Variants in RIT2 observed in about 807,000 individuals in gnomAD.
The protein encoded by RIT2 is Ras like without CAAX 2.
Under a neutral mutation model 23.7 loss-of-function variants are expected in RIT2, and 24 were observed. The ratio of observed to expected loss-of-function variants is 1.01; its 90% CI spans 0.73 to 1.43. The LOEUF (loss-of-function observed/expected upper bound fraction) is 1.43, where lower values mean the gene tolerates loss of function less well. RIT2 is among the 40% of genes most tolerant of loss of function. RIT2 has a pLI of 0.00. For synonymous variants in RIT2, 107 were observed against 91.1 expected, an observed-to-expected ratio of 1.17 and a Z score of -0.99; for missense variants, 236 against 266.9, an observed-to-expected ratio of 0.88 and a Z score of 0.81.
At chr18:42,923,862 T>A in intron 3 of RIT2, 99 bp from the exon 4 acceptor site, 1 of 919,768 alleles carries the variant, frequency 1.1e-6, no homozygotes, top group Non-Finnish European at 1.6e-6. Context: ...TGTTTTAAAC[T>A]ATTAAGAATA....
intron 4 of RIT2, among the ~76,000 whole-genome samples, chr18:42,759,769 A>G (rs185535507): frequency 2.0e-5 from 3 of 149,954 alleles, no homozygotes; most frequent in Non-Finnish European, 3.0e-5. Context: ...GGATATATAT[A>G]TATATATATA....
chr18:42,850,197 A>G lies in RIT2; in HGVS notation c.426+73375T>C, dbSNP rs550230326. ...ATTTAGGGAAGAAAAATATCTGGCAATGATAATTCTTTGGAATGCTCCGCT... is the reference window on the plus strand; with the variant it reads ...ATTTAGGGAAGAAAAATATCTGGCAGTGATAATTCTTTGGAATGCTCCGCT... On this transcript the variant is annotated intron_variant, in intron 4 of 4. Transcript: ENST00000326695. Among the ~76,000 whole-genome samples, 5 of 151,964 alleles carry G rather than the reference A, an allele frequency of 3.3e-5. No homozygotes were observed. The South Asian group carries it at 1.0e-3, about 32-fold the overall frequency.
At chr18:43,064,128 T>A (rs1202179057) in intron 1 of RIT2, among the ~76,000 whole-genome samples, 1 of 152,174 alleles carries the variant, frequency 6.6e-6, no homozygotes, top group African/African-American at 2.4e-5. Context: ...GATGCCCTCA[T>A]AAGGAGATCA....
chr18:42,996,039 G>A (rs1222350886), intron 2 of RIT2, among the ~76,000 whole-genome samples: 3 of 152,124 alleles, frequency 2.0e-5, no homozygotes, highest in African/African-American at 7.2e-5. Context: ...AATCTCCTTA[G>A]GCACTCTCTA....
chr18:43,093,007 A>G (rs1478833474), intron 1 of RIT2, among the ~76,000 whole-genome samples: 1 of 152,062 alleles, frequency 6.6e-6, no homozygotes, highest in East Asian at 1.9e-4. Context: ...CAGGGTTATA[A>G]TTTCTACACA....
intron 2 of RIT2, among the ~76,000 whole-genome samples, chr18:42,983,053 A>G (rs1035013536): frequency 2.0e-5 from 3 of 152,102 alleles, no homozygotes; most frequent in African/African-American, 7.2e-5. Context: ...AAGGAATAGG[A>G]ATTTTGAAAA....
At chr18:42,843,167 T>C in intron 4 of RIT2, among the ~76,000 whole-genome samples, 1 of 152,166 alleles carries the variant, frequency 6.6e-6, no homozygotes, top group Non-Finnish European at 1.5e-5. Context: ...TCACATAGAA[T>C]GTGATGAGTG....
At chr18:43,076,921 G>T (rs1236004504) in intron 1 of RIT2, among the ~76,000 whole-genome samples, 2 of 151,402 alleles carry the variant, frequency 1.3e-5, no homozygotes, top group African/African-American at 4.9e-5. Flanking sequence ...GGCTAAAACG[G>T]TGAAACCCCG....
chr18:43,083,600 T>G (rs998328793), intron 1 of RIT2, among the ~76,000 whole-genome samples: 3 of 151,934 alleles, frequency 2.0e-5, no homozygotes, highest in Non-Finnish European at 4.4e-5. Context: ...TCTGATCTTT[T>G]ACAAACCTGA....
chr18:43,102,220 T>A (rs908605562), intron 1 of RIT2, among the ~76,000 whole-genome samples: 1 of 152,174 alleles, frequency 6.6e-6, no homozygotes, highest in Non-Finnish European at 1.5e-5. Context: ...AGGAAACATA[T>A]GTGGAAACAT....
chr18:43,104,887 C>T (rs1913772047), intron 1 of RIT2, among the ~76,000 whole-genome samples: 2 of 152,214 alleles, frequency 1.3e-5, no homozygotes, highest in African/African-American at 4.8e-5. Flanking sequence ...GACTCTTTCC[C>T]TTTAAATGTT....
chr18:42,978,034 A>T (rs1910512964), intron 2 of RIT2, among the ~76,000 whole-genome samples: 1 of 151,892 alleles, frequency 6.6e-6, no homozygotes, highest in Admixed American at 6.6e-5. Context: ...AGTTACTCTG[A>T]AAAGGGCTCT....
Position 43,044,220 on chromosome 18 carries a change from G to C in RIT2, c.104-10353C>G, listed in dbSNP as rs577827855. On this transcript the variant is annotated intron_variant, in intron 1 of 4. Coordinates refer to ENST00000326695, the MANE Select transcript of RIT2 (RefSeq NM_002930.4). The stretch of plus-strand genomic sequence containing the variant: ...TTAATACTGACAATGTTGATCTTCT[G>C]TACTGAAAGAATGTTGAATCAGAAA... Among the ~76,000 whole-genome samples, 3 of 152,266 alleles carry C rather than the reference G, an allele frequency of 2.0e-5. No individual in the cohort carries two copies. The South Asian group carries it at 6.2e-4, about 32-fold the overall frequency.
At chr18:42,948,884 T>C (rs996980303) in intron 3 of RIT2, 2 of 394,212 alleles carry the variant, frequency 5.1e-6, no homozygotes, top group African/African-American at 2.1e-5. Context: ...TCCCAAAGTA[T>C]AGGAAAGGAA....
intron 4 of RIT2, among the ~76,000 whole-genome samples, chr18:42,773,398 A>C (rs1331629317): frequency 6.6e-6 from 1 of 152,232 alleles, no homozygotes; most frequent in Non-Finnish European, 1.5e-5. Context: ...CTGATGAAAA[A>C]AACAGTTCAT....
intron 2 of RIT2, among the ~76,000 whole-genome samples, chr18:42,978,500 T>G (rs1436848713): frequency 6.6e-6 from 1 of 152,090 alleles, no homozygotes; most frequent in Admixed American, 6.6e-5. Flanking sequence ...CTCTCTTGAA[T>G]GCATATAAAC....
intron 3 of RIT2, among the ~76,000 whole-genome samples, chr18:42,924,069 T>TA (rs1909123077): frequency 6.6e-6 from 1 of 152,122 alleles, no homozygotes; most frequent in African/African-American, 2.4e-5. Context: ...AGATATTCTT[T>TA]AAATTACATA....
intron 2 of RIT2, among the ~76,000 whole-genome samples, chr18:43,002,114 A>G (rs1010802961): frequency 3.3e-5 from 5 of 152,012 alleles, no homozygotes; most frequent in Non-Finnish European, 5.9e-5. Flanking sequence ...AGAAGCTGAC[A>G]GTGCAGCCTT....
intron 4 of RIT2, among the ~76,000 whole-genome samples, chr18:42,888,803 G>A (rs911387851): frequency 2.0e-5 from 3 of 151,992 alleles, no homozygotes; most frequent in Admixed American, 1.3e-4. Context: ...GTAAATTAAG[G>A]CAGGAACAGG....
Sources: allele counts gnomAD v4.1 joint callset (sites outside exome capture counted in the v4.1 genomes callset), GRCh38; gene constraint gnomAD v4.1.1; transcripts MANE v1.5; gene names NCBI Gene and HGNC (gene_info 2026-07-23, HGNC 2026-07-21).